INPP5D: variants seen among roughly 807,000 people sequenced by gnomAD.
INPP5D encodes inositol polyphosphate-5-phosphatase D.
A neutral mutation model predicts 122.9 loss-of-function variants in INPP5D; 33 were observed. The observed-to-expected ratio is 0.27, with a 90% CI of 0.20 to 0.36. The LOEUF is 0.36. Among genes scored for constraint, INPP5D ranks in the 10% least tolerant of loss-of-function variants. The pLI, the probability that INPP5D is intolerant of heterozygous loss-of-function variation, is 1.00. For missense variants in INPP5D, 1,053 were observed against 1,412.7 expected, an observed-to-expected ratio of 0.75 and a Z score of 4.08; for synonymous variants, 584 against 576.2, an observed-to-expected ratio of 1.01 and a Z score of -0.19.
intron 17 of INPP5D, among the ~76,000 whole-genome samples, chr2:233,176,178 C>G (rs975066082): frequency 2.0e-5 from 3 of 152,170 alleles, no homozygotes; most frequent in African/African-American, 7.2e-5. Context: ...TCTATCCCAC[C>G]TAATGGACAT....
intron 2 of INPP5D, among the ~76,000 whole-genome samples, chr2:233,106,133 A>G (rs1194397140): frequency 2.0e-5 from 3 of 152,198 alleles, no homozygotes; most frequent in Non-Finnish European, 4.4e-5. Context: ...TTCCCACCAC[A>G]CTTGTATCTG....
At chr2:233,133,326 G>A (rs1301022334) in intron 5 of INPP5D, among the ~76,000 whole-genome samples, 1 of 152,168 alleles carries the variant, frequency 6.6e-6, no homozygotes, top group Non-Finnish European at 1.5e-5. Context: ...CTTTGGAGGT[G>A]AAGGAGGTGA....
rs1225599180 is a variant in INPP5D, at chr2:233,177,426, AG to A, written c.2071+83del. ...GGAGGTGTGACTGCCCTAAAATCTA[AG>A]GGCTTCAGTCTGTTGATGTGTCAAA... On this transcript the variant is annotated intron_variant, in intron 18 of 26. Coordinates refer to ENST00000445964, the MANE Select transcript of INPP5D (RefSeq NM_001017915.3). The surrounding 1 kb of genome is among the most constrained non-coding windows in gnomAD (Gnocchi z 4.2). The A allele has an allele frequency of 1.9e-5, 31 of 1,608,160 alleles. No homozygotes were observed. The highest frequency in any genetic ancestry group is 1.7e-4 in the Middle Eastern group (1 of 6,056).
chr2:233,169,573 T>C (rs1694436934), intron 14 of INPP5D, 172 bp downstream of exon 14: 1 of 990,580 alleles, frequency 1.0e-6, no homozygotes, highest in Non-Finnish European at 1.4e-6. Flanking sequence ...AGCACCATAG[T>C]GACCTCACGT....
chr2:233,160,375 C>A lies in INPP5D; in HGVS notation c.1138-1349C>A, dbSNP rs1694171037. On this transcript the variant is annotated intron_variant, in intron 10 of 26. Coordinates refer to ENST00000445964, the MANE Select transcript of INPP5D (RefSeq NM_001017915.3). The surrounding 1 kb of genome is among the most constrained non-coding windows in gnomAD (Gnocchi z 4.2). ...GGCTGCTTGGTGCCCCACTGGGTACCCCAGAAAAATACGTGAAAAATATTG... is the reference window on the plus strand; with the variant it reads ...GGCTGCTTGGTGCCCCACTGGGTACACCAGAAAAATACGTGAAAAATATTG... 6.6e-6 allele frequency among the ~76,000 whole-genome samples: 1 copy of A among 151,990 alleles called. No homozygotes were observed. The highest frequency in any genetic ancestry group is 1.5e-5 in the Non-Finnish European group (1 of 67,996).
At chr2:233,148,211 C>T (rs987193664) in intron 9 of INPP5D, among the ~76,000 whole-genome samples, 3 of 152,118 alleles carry the variant, frequency 2.0e-5, no homozygotes, top group Admixed American at 2.0e-4. Context: ...GATGAGGCCC[C>T]TGCCCACATG....
Position 233,110,682 on chromosome 2 carries a change from G to A in INPP5D, c.199-11425G>A, listed in dbSNP as rs188025600. Among the ~76,000 whole-genome samples the A allele has an allele frequency of 4.6e-5, 7 of 152,330 alleles. No homozygotes were observed. The East Asian group carries it at 1.4e-3, about 29-fold the overall frequency. On this transcript the variant is annotated intron_variant, in intron 2 of 26. Coordinates refer to ENST00000445964, the MANE Select transcript of INPP5D (RefSeq NM_001017915.3). ...GACGCCTGTAATCCCATCACTTTGG[G>A]AAGCTGAGGCAGGTGGATCACCTGA...
rs947539984 is a variant in INPP5D, at chr2:233,198,123, A to G, written c.2722A>G (p.Thr908Ala). The change falls in exon 25 of 27, where the codon ACT (threonine) becomes GCT (alanine). Residue 908 changes from threonine (T) to alanine (A), a missense_variant. Coordinates refer to ENST00000445964, the MANE Select transcript of INPP5D (RefSeq NM_001017915.3). Reference sequence around the variant, plus strand: ...CCCTCCGTGCAGTGGCTCCAGCATCACTGAAATCATCAACCCCAACTACAT... The same window carrying G: ...CCCTCCGTGCAGTGGCTCCAGCATCGCTGAAATCATCAACCCCAACTACAT... ...RAPPCSGSSI[T>A]EIINPNYMGV... The G allele has an allele frequency of 1.9e-6, 3 of 1,611,246 alleles. No individual in the cohort carries two copies. Among genetic ancestry groups the G allele is most frequent in the Non-Finnish European group, 2.5e-6 (3 of 1,178,632 alleles).
intron 6 of INPP5D, chr2:233,141,269 G>GA (rs1693625961): frequency 6.6e-6 from 1 of 152,120 alleles, no homozygotes; most frequent in African/African-American, 2.4e-5. Context: ...AAAAAACATT[G>GA]AAAATCACAT....
intron 5 of INPP5D, among the ~76,000 whole-genome samples, chr2:233,138,996 C>T (rs968418332): frequency 4.6e-5 from 7 of 151,970 alleles, no homozygotes; most frequent in East Asian, 3.9e-4. Context: ...CCTCGTGATC[C>T]GCCTGCCTCA....
At chr2:233,097,459 G>C (rs879638709) in intron 2 of INPP5D, among the ~76,000 whole-genome samples, 1 of 152,240 alleles carries the variant, frequency 6.6e-6, no homozygotes, top group South Asian at 2.1e-4. Context: ...CCTTCAATTT[G>C]AGATCATGGT....
At chr2:233,125,612 T>A (rs1042879113) in intron 3 of INPP5D, 133 bp from the exon 4 acceptor site, 3 of 739,480 alleles carry the variant, frequency 4.1e-6, no homozygotes, top group South Asian at 2.1e-5. Flanking sequence ...CAGGAGGGAG[T>A]CAGCGAGGGA....
At chr2:233,166,530 A>G (rs974378913) in intron 13 of INPP5D, among the ~76,000 whole-genome samples, 1 of 152,200 alleles carries the variant, frequency 6.6e-6, no homozygotes, top group Non-Finnish European at 1.5e-5. Flanking sequence ...AGGCCTGGCC[A>G]GAGTCCCAGC....
intron 5 of INPP5D, among the ~76,000 whole-genome samples, chr2:233,136,620 G>T (rs1173566891): frequency 6.6e-6 from 1 of 152,012 alleles, no homozygotes; most frequent in Non-Finnish European, 1.5e-5. Context: ...TGATTTATTC[G>T]ATATTCATGA....
chr2:233,148,227 T>C (rs1315880868), intron 9 of INPP5D, among the ~76,000 whole-genome samples: 2 of 152,140 alleles, frequency 1.3e-5, no homozygotes, highest in African/African-American at 2.4e-5. Context: ...ACATGGAATT[T>C]ATATTCTGGT....
In INPP5D at chr2:233,125,939, C is replaced by T. The variant is rs755661121; in HGVS notation, c.524+20C>T. 3.1e-6 allele frequency: 5 copies of T among 1,607,982 alleles called. No homozygotes were observed. The Admixed American group carries it at 8.4e-5, about 27-fold the overall frequency. ...CAGTGGGTGAGTCCCCACTCAAGTC[C>T]AGCTGGGCCTTCATCTGCAGTGAGC... On this transcript the variant is annotated intron_variant, in intron 4 of 26. Coordinates refer to ENST00000445964, the MANE Select transcript of INPP5D (RefSeq NM_001017915.3).
At chr2:233,129,527 A>C (rs1240361103) in intron 4 of INPP5D, among the ~76,000 whole-genome samples, 1 of 152,174 alleles carries the variant, frequency 6.6e-6, no homozygotes, top group Non-Finnish European at 1.5e-5. Flanking sequence ...TGCCTCTGCC[A>C]CCAGGGTTGA....
chr2:233,165,695 A>G (rs1314542594), intron 13 of INPP5D, among the ~76,000 whole-genome samples: 2 of 151,668 alleles, frequency 1.3e-5, no homozygotes, highest in African/African-American at 4.9e-5. Context: ...TATGTATGTG[A>G]GTCCATGTAT....
chr2:233,086,119 C>CTCTTTCTTTCCTTCTT (rs1553569181), intron 2 of INPP5D, among the ~76,000 whole-genome samples: 9 of 93,828 alleles, frequency 9.6e-5, no homozygotes, highest in African/African-American at 3.6e-4. Flanking sequence ...ATAAGATAGC[C>CTCTTTCTTTCCTTCTT]TCTTTCTTTC....
Sources: gnomAD v4.1 joint callset for allele counts (sites outside exome capture counted in the v4.1 genomes callset) on GRCh38, gnomAD v4.1.1 for gene constraint, Gnocchi (gnomAD v3.1) non-coding constraint, MANE v1.5 for transcripts, NCBI Gene and HGNC (gene_info 2026-07-23, HGNC 2026-07-21) for gene names.